The following SLC14A2 variants were observed in gnomAD, a reference collection of about 807,000 sequenced individuals.
SLC14A2 encodes solute carrier family 14 member 2, also known as urea transporter 2.
Under a neutral mutation model 104.6 loss-of-function variants are expected in SLC14A2, and 91 were observed. That is an observed-to-expected ratio of 0.87 (90% CI 0.73 to 1.04). The LOEUF is 1.04. SLC14A2 is among the 50% of genes least tolerant of loss of function. The probability of loss-of-function intolerance (pLI) is 0.00; values close to 1 mark genes in which losing one functional copy is unlikely to be tolerated. For synonymous variants in SLC14A2, 476 were observed against 466.4 expected (o/e 1.02, Z -0.27); for missense variants, 1,189 against 1,156.0 (o/e 1.03, Z -0.41).
intron 2 of SLC14A2, among the ~76,000 whole-genome samples, chr18:45,559,527 G>T (rs1172231057): frequency 2.0e-5 from 3 of 152,192 alleles, no homozygotes; most frequent in African/African-American, 7.2e-5. Flanking sequence ...GGAGGTTCCA[G>T]TGTCCAAATA....
intron 1 of SLC14A2, among the ~76,000 whole-genome samples, chr18:45,267,875 A>C (rs904977815): frequency 6.6e-6 from 1 of 152,144 alleles, no homozygotes; most frequent in African/African-American, 2.4e-5. Context: ...CAGAATTATA[A>C]AGAGATAAAT....
At chr18:45,289,582 T>G (rs370076094) in intron 1 of SLC14A2, among the ~76,000 whole-genome samples, 1 of 152,150 alleles carries the variant, frequency 6.6e-6, no homozygotes, top group Non-Finnish European at 1.5e-5. Context: ...GAGTCTTGCT[T>G]TAGGTGCATT....
chr18:45,492,976 T>C (rs573032276), intron 2 of SLC14A2: 41 of 152,368 alleles, frequency 2.7e-4, no homozygotes, highest in African/African-American at 9.9e-4. Context: ...TTTGAAACTT[T>C]TTCGCCCTGC....
At chr18:45,386,581 G>A (rs2085899581) in intron 1 of SLC14A2, among the ~76,000 whole-genome samples, 1 of 152,214 alleles carries the variant, frequency 6.6e-6, no homozygotes, top group Admixed American at 6.5e-5. Context: ...GCTGTGGGCA[G>A]ACCAGCATTA....
chr18:45,209,456 T>C (rs2083944106), upstream of SLC14A2, among the ~76,000 whole-genome samples: 1 of 152,158 alleles, frequency 6.6e-6, no homozygotes, highest in African/African-American at 2.4e-5. Context: ...GACTTTATTA[T>C]GTAAAATATA....
chr18:45,319,329 A>C (rs1392639445), intron 1 of SLC14A2, among the ~76,000 whole-genome samples: 2 of 152,244 alleles, frequency 1.3e-5, no homozygotes, highest in Non-Finnish European at 2.9e-5. Context: ...TCTTAAAGGC[A>C]ACATTGGTTA....
intron 1 of SLC14A2, among the ~76,000 whole-genome samples, chr18:45,363,052 C>T (rs989126088): frequency 3.9e-5 from 6 of 152,186 alleles, no homozygotes; most frequent in African/African-American, 1.4e-4. Flanking sequence ...CCTGCCCTTC[C>T]CTGTGCAACG....
At chr18:45,387,735 A>C (rs968864041) in intron 1 of SLC14A2, among the ~76,000 whole-genome samples, 11 of 152,220 alleles carry the variant, frequency 7.2e-5, no homozygotes, top group Admixed American at 7.2e-4. Context: ...TCGAATGTAG[A>C]AAGTTGTATG....
chr18:45,399,868 A>C (rs1212102842), intron 1 of SLC14A2, among the ~76,000 whole-genome samples: 2 of 151,988 alleles, frequency 1.3e-5, no homozygotes, highest in Non-Finnish European at 2.9e-5. Flanking sequence ...CCACCCCATC[A>C]ACCCCCTCTT....
intron 5 of SLC14A2, 22 bp downstream of exon 5, chr18:45,632,500 G>T (rs755667134): frequency 6.8e-6 from 11 of 1,611,094 alleles, no homozygotes; most frequent in Non-Finnish European, 9.3e-6. Flanking sequence ...CATTTTTTCT[G>T]CTCACAGCTC....
chr18:45,530,665 G>C (rs980164949), intron 2 of SLC14A2, among the ~76,000 whole-genome samples: 1 of 151,764 alleles, frequency 6.6e-6, no homozygotes, highest in Non-Finnish European at 1.5e-5. Flanking sequence ...ATGAGCTTTA[G>C]TTATTGAAAA....
intron 1 of SLC14A2, among the ~76,000 whole-genome samples, chr18:45,236,626 T>C (rs1235252295): frequency 2.0e-5 from 3 of 150,752 alleles, no homozygotes; most frequent in Non-Finnish European, 4.4e-5. Flanking sequence ...TATATATGTG[T>C]GGGTGTATAC....
intron 1 of SLC14A2, among the ~76,000 whole-genome samples, chr18:45,467,741 T>C (rs2087170067): frequency 6.6e-6 from 1 of 152,224 alleles, no homozygotes; most frequent in African/African-American, 2.4e-5. Flanking sequence ...AGGTAATTCC[T>C]ACTCAGTCCA....
At chr18:45,632,510 C>T in intron 5 of SLC14A2, 32 bp downstream of exon 5, 1 of 1,608,656 alleles carries the variant, frequency 6.2e-7, no homozygotes. Flanking sequence ...GCTCACAGCT[C>T]CATGGGGCCC....
the SLC14A2 span, chr18:45,181,339 A>T: frequency 9.2e-5 from 14 of 152,206 alleles, no homozygotes; most frequent in African/African-American, 3.4e-4. Flanking sequence ...GGGTGCAGCC[A>T]TTTCAGAGGC....
At position 45,337,598 on chromosome 18, in the gene SLC14A2, G is replaced by C. The variant is rs116272094; in HGVS notation, c.-125+124407G>C. Among the ~76,000 whole-genome samples, 762 of 152,266 alleles carry C rather than the reference G, an allele frequency of 5.0e-3. 6 individuals carry two copies. The highest frequency in any genetic ancestry group is 0.018 in the African/African-American group (735 of 41,532). ...CATGACAGGAAAGCAAGTGGGACAT[G>C]CCTCATTATTCCTCATTATACCCTT... On this transcript the variant is annotated intron_variant, in intron 1 of 20. Coordinates refer to the SLC14A2 transcript ENST00000586448.
intron 1 of SLC14A2, among the ~76,000 whole-genome samples, chr18:45,457,648 C>T (rs1397614097): frequency 6.6e-6 from 1 of 150,382 alleles, no homozygotes; most frequent in African/African-American, 2.5e-5. Context: ...GTTTGGGGAC[C>T]AGGACATTGT....
chr18:45,341,840 T>C (rs1388718175), intron 1 of SLC14A2, among the ~76,000 whole-genome samples: 1 of 151,966 alleles, frequency 6.6e-6, no homozygotes, highest in African/African-American at 2.4e-5. Flanking sequence ...TGCCTCCCTT[T>C]GCCTCCCAAA....
chr18:45,515,835 T>A (rs1462048447), intron 2 of SLC14A2, among the ~76,000 whole-genome samples: 1 of 152,186 alleles, frequency 6.6e-6, no homozygotes, highest in Non-Finnish European at 1.5e-5. Context: ...AAAGAAGGAT[T>A]CAGACAAGCT....
Sources: gnomAD v4.1 joint callset for allele counts (sites outside exome capture counted in the v4.1 genomes callset) on GRCh38, gnomAD v4.1.1 for gene constraint, MANE v1.5 for transcripts, NCBI Gene and HGNC (gene_info 2026-07-23, HGNC 2026-07-21) for gene names.